The following ARHGEF6 variants were observed in gnomAD, a reference collection of about 807,000 sequenced individuals.
ARHGEF6 encodes the protein rho guanine nucleotide exchange factor 6.
In ARHGEF6, 9 loss-of-function variants were observed where a neutral mutation model predicts 70.3. The ratio of observed to expected loss-of-function variants is 0.13; its 90% CI spans 0.08 to 0.22. ARHGEF6 has a LOEUF of 0.22. ARHGEF6 is among the 10% of genes least tolerant of loss of function. ARHGEF6 has a pLI of 1.00. For missense variants in ARHGEF6, 470 were observed against 563.0 expected, an observed-to-expected ratio of 0.83 and a Z score of 1.67; for synonymous variants, 201 against 207.8, an observed-to-expected ratio of 0.97 and a Z score of 0.28.
In ARHGEF6 at chrX:136,667,913, G is replaced by A. The variant is rs941209298; in HGVS notation, c.*116C>T. The stretch of plus-strand genomic sequence containing the variant: ...GAAAGAGAAGAGAGAGGGAGAGAGA[G>A]AGAGAGACTCAAACACAAAACAAAA... On this transcript the variant is annotated 3_prime_UTR_variant, in exon 22 of 22. Transcript: ENST00000250617. 2 of 957,564 alleles carry A rather than the reference G, an allele frequency of 2.1e-6. No individual in the cohort carries two copies. Among genetic ancestry groups the A allele is most frequent in the African/African-American group, 3.8e-5 (2 of 52,023 alleles). The allele number at this position is 957,564 out of a possible 1,213,427, so 78.9% of individuals were successfully genotyped here. A position where few individuals can be genotyped will look rare whatever the true frequency, so the allele number is the denominator to read the frequency against.
intron 8 of ARHGEF6, among the ~76,000 whole-genome samples, chrX:136,708,012 C>T (rs2076644013): frequency 8.9e-6 from 1 of 112,162 alleles, no homozygotes; most frequent in African/African-American, 3.2e-5. Context: ...TGTGTTTCAA[C>T]TCTTAATATA....
chrX:136,745,485 G>A, intron 3 of ARHGEF6, 138 bp from the exon 4 acceptor site: 1 of 832,602 alleles, frequency 1.2e-6, no homozygotes, highest in Non-Finnish European at 1.7e-6. Flanking sequence ...AACATGCCAA[G>A]TGTATTTCAA....
intron 6 of ARHGEF6, among the ~76,000 whole-genome samples, chrX:136,727,676 G>C (rs2076884820): frequency 9.1e-6 from 1 of 109,820 alleles, no homozygotes; most frequent in Admixed American, 9.8e-5. Flanking sequence ...TGGGATTACA[G>C]GCCTAGGCCA....
intron 6 of ARHGEF6, among the ~76,000 whole-genome samples, chrX:136,714,890 G>T (rs2076721992): frequency 9.0e-6 from 1 of 111,650 alleles, no homozygotes; most frequent in African/African-American, 3.3e-5. Context: ...CTGGGTAAGT[G>T]GGAAACAGAC....
At chrX:136,727,373 CTTTCTTTCTTTCTTTCTTTCTT>C (rs1166231263) in intron 6 of ARHGEF6, among the ~76,000 whole-genome samples, 890 of 70,061 alleles carry the variant, frequency 0.013, 10 homozygotes, top group South Asian at 0.031. Context: ...TTCTTTCTTT[CTTTCTTTCTTTCTTTCTTTCTT>C]TCTCTCTCTC....
At chrX:136,685,635 C>T (rs760748598) in intron 12 of ARHGEF6, 42 bp downstream of exon 12, 6 of 1,131,413 alleles carry the variant, frequency 5.3e-6, no homozygotes, top group Middle Eastern at 2.5e-4. Flanking sequence ...AAGAAAAATA[C>T]GAAAGATGGA....
intron 21 of ARHGEF6, among the ~76,000 whole-genome samples, chrX:136,669,154 C>G (rs756724673): frequency 4.8e-4 from 54 of 112,085 alleles, no homozygotes; most frequent in Non-Finnish European, 9.2e-4. Flanking sequence ...AGCCCACAAA[C>G]CATGATGAAT....
intron 6 of ARHGEF6, among the ~76,000 whole-genome samples, chrX:136,727,389 CTTTCTTTCT>C (rs2076874625): frequency 1.4e-5 from 1 of 72,984 alleles, no homozygotes; most frequent in Non-Finnish European, 2.6e-5. Context: ...TTCTTTCTTT[CTTTCTTTCT>C]CTCTCTCTCT....
At chrX:136,694,542 A>G (rs780627196) in intron 9 of ARHGEF6, among the ~76,000 whole-genome samples, 64 of 111,711 alleles carry the variant, frequency 5.7e-4, no homozygotes, top group Middle Eastern at 4.6e-3. Context: ...AAGAGTGGAG[A>G]GAACTAACAA....
intron 5 of ARHGEF6, among the ~76,000 whole-genome samples, chrX:136,734,279 C>A (rs2076964553): frequency 9.0e-6 from 1 of 111,515 alleles, no homozygotes; most frequent in African/African-American, 3.3e-5. Flanking sequence ...ATAAGGCTTT[C>A]CTGGGAAAAT....
At chrX:136,677,694 A>C (rs1569388018) in intron 17 of ARHGEF6, among the ~76,000 whole-genome samples, 1 of 111,780 alleles carries the variant, frequency 8.9e-6, no homozygotes, top group East Asian at 2.8e-4. Flanking sequence ...TAACAGGAAA[A>C]AACAGAATTT....
At chrX:136,714,332 G>A (rs1187370681) in intron 6 of ARHGEF6, among the ~76,000 whole-genome samples, 1 of 111,501 alleles carries the variant, frequency 9.0e-6, no homozygotes, top group African/African-American at 3.3e-5. Context: ...GGCCAGCATG[G>A]CACATGTATA....
intron 2 of ARHGEF6, among the ~76,000 whole-genome samples, chrX:136,762,724 T>G (rs1603354766): frequency 8.9e-6 from 1 of 111,973 alleles, no homozygotes; most frequent in East Asian, 2.8e-4. Context: ...ACTCCTGACC[T>G]CAAGTGATCC....
rs371204094 is a variant in ARHGEF6 at position 136,701,869 on chromosome X, G to A, written c.1046+5039C>T. 4.8e-3 allele frequency among the ~76,000 whole-genome samples: 517 copies of A among 108,354 alleles called. 2 individuals carry two copies. The highest frequency in any genetic ancestry group is 0.017 in the African/African-American group (495 of 29,805). 94.1% of individuals were successfully genotyped at this position (108,354 alleles called of 115,157 possible). On this transcript the variant is annotated intron_variant, in intron 9 of 21. Transcript: ENST00000250617. ...ACTACAGGCGCCCACCACCACGCCC[G>A]GCTAATTTTTTGTATTTTTAGTAGA... is the stretch of plus-strand genomic sequence containing the variant.
chrX:136,677,465 C>T (rs2042038649), intron 17 of ARHGEF6, among the ~76,000 whole-genome samples: 1 of 111,781 alleles, frequency 8.9e-6, no homozygotes, highest in African/African-American at 3.3e-5. Flanking sequence ...AATCCTTAAT[C>T]CAATAATCTG....
intron 2 of ARHGEF6, among the ~76,000 whole-genome samples, chrX:136,756,133 T>C (rs746506234): frequency 1.8e-5 from 2 of 111,570 alleles, no homozygotes; most frequent in South Asian, 7.6e-4. Flanking sequence ...GCAGAAAGTA[T>C]AATAAACTCA....
chrX:136,778,836 T>C (rs182984171), intron 2 of ARHGEF6, among the ~76,000 whole-genome samples: 2 of 111,941 alleles, frequency 1.8e-5, no homozygotes, highest in Admixed American at 1.9e-4. Context: ...GTTTTACAGA[T>C]AAAAATACTG....
At position 136,680,712 on chromosome X, in the gene ARHGEF6, G is replaced by A; in HGVS notation, c.1704+19C>T. The A allele has an allele frequency of 2.4e-5, 29 of 1,210,324 alleles. No individual in the cohort carries two copies. The highest frequency in any genetic ancestry group is 3.2e-5 in the Non-Finnish European group (29 of 894,058). On this transcript the variant is annotated intron_variant, in intron 15 of 21. Transcript: ENST00000250617. ...CGAAAGACTCAATAATCTCTGGACA[G>A]AACACATGGACTACTTACAGAATGA...
At chrX:136,715,679 G>A (rs1035183017) in intron 6 of ARHGEF6, among the ~76,000 whole-genome samples, 1 of 110,633 alleles carries the variant, frequency 9.0e-6, no homozygotes, top group African/African-American at 3.3e-5. Flanking sequence ...TGGGGGCTCT[G>A]TACAGGCAAG....
Sources: gnomAD v4.1 joint callset for allele counts (sites outside exome capture counted in the v4.1 genomes callset) on GRCh38, gnomAD v4.1.1 for gene constraint, MANE v1.5 for transcripts, NCBI Gene and HGNC (gene_info 2026-07-23, HGNC 2026-07-21) for gene names.